Variants in KCTD16 observed in about 807,000 individuals in gnomAD.
The protein encoded by KCTD16 is BTB/POZ domain-containing protein KCTD16.
Under a neutral mutation model 33.2 loss-of-function variants are expected in KCTD16, and 13 were observed. The ratio of observed to expected loss-of-function variants is 0.39; its 90% CI spans 0.25 to 0.62. The LOEUF (loss-of-function observed/expected upper bound fraction) is 0.62, where lower values mean the gene tolerates loss of function less well. Ranked by LOEUF, KCTD16 falls within the 20% of genes least tolerant of loss-of-function variation. The pLI is 0.50. For synonymous variants in KCTD16, 197 were observed against 195.3 expected, an observed-to-expected ratio of 1.01 and a Z score of -0.07; for missense variants, 441 against 525.1, an observed-to-expected ratio of 0.84 and a Z score of 1.57.
At chr5:144,195,189 A>C (rs759760847) in intron 2 of KCTD16, among the ~76,000 whole-genome samples, 5 of 152,194 alleles carry the variant, frequency 3.3e-5, no homozygotes, top group Non-Finnish European at 7.3e-5. Flanking sequence ...CCCTGTTAGC[A>C]TGGGGGAATC....
At chr5:144,438,232 G>A (rs1753622912) in intron 3 of KCTD16, among the ~76,000 whole-genome samples, 1 of 152,108 alleles carries the variant, frequency 6.6e-6, no homozygotes, top group Admixed American at 6.6e-5. Flanking sequence ...ACAGTACAAT[G>A]TTCCTTGATC....
chr5:144,278,485 C>T (rs868687193), intron 3 of KCTD16, among the ~76,000 whole-genome samples: 81 of 89,982 alleles, frequency 9.0e-4, no homozygotes, highest in African/African-American at 3.8e-3. Flanking sequence ...TGTTAGTCTT[C>T]TTTTTTTTTT....
intron 3 of KCTD16, among the ~76,000 whole-genome samples, chr5:144,266,841 A>G (rs916469666): frequency 5.3e-5 from 8 of 152,156 alleles, no homozygotes; most frequent in Admixed American, 5.2e-4. Context: ...AAATTCATTG[A>G]AGCAGACCTT....
intron 3 of KCTD16, among the ~76,000 whole-genome samples, chr5:144,464,494 G>A (rs1335635658): frequency 6.6e-6 from 1 of 152,210 alleles, no homozygotes; most frequent in Non-Finnish European, 1.5e-5. Flanking sequence ...CACAGATGTT[G>A]CCATACATCC....
intron 3 of KCTD16, among the ~76,000 whole-genome samples, chr5:144,407,336 C>T (rs34882942): frequency 0.018 from 2,638 of 150,280 alleles, 43 homozygotes; most frequent in Middle Eastern, 0.048. Flanking sequence ...TCATGCTTAA[C>T]ATAAAGTAAA....
intron 3 of KCTD16, among the ~76,000 whole-genome samples, chr5:144,229,827 G>A (rs1047288250): frequency 6.6e-6 from 1 of 152,138 alleles, no homozygotes; most frequent in Admixed American, 6.6e-5. Context: ...CATTAACAAA[G>A]ACTTATTAAG....
chr5:144,251,743 G>A (rs1443086273), intron 3 of KCTD16, among the ~76,000 whole-genome samples: 1 of 152,108 alleles, frequency 6.6e-6, no homozygotes, highest in African/African-American at 2.4e-5. Context: ...TATATATACA[G>A]GCATGCCAAT....
chr5:144,293,367 T>C (rs949213605), intron 3 of KCTD16, among the ~76,000 whole-genome samples: 1 of 152,250 alleles, frequency 6.6e-6, no homozygotes, highest in Non-Finnish European at 1.5e-5. Flanking sequence ...AGATGTCTAC[T>C]ATTTAACACT....
intron 3 of KCTD16, among the ~76,000 whole-genome samples, chr5:144,409,431 T>G (rs1462972089): frequency 6.6e-6 from 1 of 152,120 alleles, no homozygotes; most frequent in Non-Finnish European, 1.5e-5. Flanking sequence ...GGGACACTTG[T>G]GTTATCCATC....
intron 3 of KCTD16, among the ~76,000 whole-genome samples, chr5:144,456,167 C>A: frequency 6.6e-6 from 1 of 150,704 alleles, no homozygotes; most frequent in East Asian, 2.0e-4. Flanking sequence ...ATTTAATGTT[C>A]TTTAATTCTT....
At position 144,232,065 on chromosome 5, in the gene KCTD16, C is replaced by G. The variant is rs142340994; in HGVS notation, c.832+24519C>G. On this transcript the variant is annotated intron_variant, in intron 3 of 3. Coordinates refer to ENST00000512467, the MANE Select transcript of KCTD16 (RefSeq NM_020768.4). ...AGGCCCCTTCCCATTCTATAATATA[C>G]CTTTGCCCCCTTTTGATGTTAAGAG... Among the ~76,000 whole-genome samples, 527 of 152,224 alleles carry G rather than the reference C, an allele frequency of 3.5e-3. 4 individuals are homozygous for G. The highest frequency in any genetic ancestry group is 0.012 in the African/African-American group (505 of 41,546).
intron 3 of KCTD16, among the ~76,000 whole-genome samples, chr5:144,285,490 C>T (rs1454195144): frequency 6.6e-6 from 1 of 152,170 alleles, no homozygotes; most frequent in African/African-American, 2.4e-5. Context: ...CCATCCATCG[C>T]TTATGTAGCA....
intron 3 of KCTD16, among the ~76,000 whole-genome samples, chr5:144,471,946 A>T (rs1421600291): frequency 6.6e-6 from 1 of 152,336 alleles, no homozygotes; most frequent in East Asian, 1.9e-4. Context: ...TTAAAAAATT[A>T]TATGGAGATA....
At chr5:144,205,360 G>A (rs998110571) in intron 2 of KCTD16, 45 of 395,790 alleles carry the variant, frequency 1.1e-4, no homozygotes, top group Non-Finnish European at 1.9e-4. Context: ...TTCCCTGGAT[G>A]GTTTCTTGCC....
At chr5:144,269,755 A>G (rs1394062381) in intron 3 of KCTD16, among the ~76,000 whole-genome samples, 1 of 152,112 alleles carries the variant, frequency 6.6e-6, no homozygotes, top group Non-Finnish European at 1.5e-5. Context: ...ATATAATTTA[A>G]GAGCTTATTG....
intron 3 of KCTD16, among the ~76,000 whole-genome samples, chr5:144,378,268 G>A (rs1445221905): frequency 6.6e-6 from 1 of 152,118 alleles, no homozygotes. Context: ...AGAACTTACA[G>A]CTATGAAATT....
chr5:144,425,094 C>G (rs1016845157), intron 3 of KCTD16, among the ~76,000 whole-genome samples: 2 of 152,100 alleles, frequency 1.3e-5, no homozygotes, highest in African/African-American at 2.4e-5. Context: ...AAATTTATTC[C>G]TGCTGTGAAC....
At chr5:144,252,906 TC>T (rs1754741583) in intron 3 of KCTD16, among the ~76,000 whole-genome samples, 1 of 150,300 alleles carries the variant, frequency 6.7e-6, no homozygotes. Flanking sequence ...TTTTTTTTTC[TC>T]CTTCTCCCCT....
intron 3 of KCTD16, among the ~76,000 whole-genome samples, chr5:144,284,439 T>G (rs1030139336): frequency 1.4e-4 from 22 of 152,244 alleles, no homozygotes; most frequent in African/African-American, 4.8e-4. Context: ...GCCTATTTTA[T>G]GTTAGAAGAA....
Sources: allele counts gnomAD v4.1 joint callset (sites outside exome capture counted in the v4.1 genomes callset), GRCh38; gene constraint gnomAD v4.1.1; transcripts MANE v1.5; gene names NCBI Gene and HGNC (gene_info 2026-07-23, HGNC 2026-07-21).